The following GRIP1 variants were observed in gnomAD, a reference collection of about 807,000 sequenced individuals.
The protein encoded by GRIP1 is glutamate receptor-interacting protein 1.
Under a neutral mutation model 129.9 loss-of-function variants are expected in GRIP1, and 45 were observed. The observed-to-expected ratio is 0.35, with a 90% CI of 0.27 to 0.44. The LOEUF (loss-of-function observed/expected upper bound fraction) is 0.44, where lower values mean the gene tolerates loss of function less well. GRIP1 is among the 20% of genes least tolerant of loss of function. The pLI, the probability that GRIP1 is intolerant of heterozygous loss-of-function variation, is 1.00. For synonymous variants in GRIP1, 530 were observed against 520.8 expected (o/e 1.02, Z -0.24); for missense variants, 1,196 against 1,396.8 (o/e 0.86, Z 2.29).
chr12:66,618,951 A>G (rs2065155228), intron 1 of GRIP1, among the ~76,000 whole-genome samples: 1 of 152,134 alleles, frequency 6.6e-6, no homozygotes, highest in Non-Finnish European at 1.5e-5. Flanking sequence ...GAGAAATTCG[A>G]ACTCGTATTA....
chr12:66,382,510 A>T (rs2056157184), intron 19 of GRIP1, among the ~76,000 whole-genome samples: 1 of 152,202 alleles, frequency 6.6e-6, no homozygotes, highest in South Asian at 2.1e-4. Flanking sequence ...GTTGATAAGA[A>T]AATGAAGAAG....
intron 1 of GRIP1, among the ~76,000 whole-genome samples, chr12:66,905,602 G>C (rs12579830): frequency 6.6e-6 from 1 of 152,000 alleles, no homozygotes; most frequent in Non-Finnish European, 1.5e-5. Context: ...TATGAGCAAG[G>C]GGAAAATAAC....
At chr12:67,019,544 A>G (rs917008026) in intron 1 of GRIP1, among the ~76,000 whole-genome samples, 1 of 152,196 alleles carries the variant, frequency 6.6e-6, no homozygotes, top group Non-Finnish European at 1.5e-5. Context: ...CTTCTTCAGA[A>G]AGTACCTTCA....
intron 19 of GRIP1, among the ~76,000 whole-genome samples, chr12:66,383,357 C>T (rs1305011583): frequency 6.6e-6 from 1 of 150,874 alleles, no homozygotes; most frequent in African/African-American, 2.4e-5. Context: ...ACAGTGTTGG[C>T]CAAGTAGAAG....
chr12:66,980,342 G>A (rs2042225318), intron 1 of GRIP1, among the ~76,000 whole-genome samples: 1 of 152,198 alleles, frequency 6.6e-6, no homozygotes, highest in South Asian at 2.1e-4. Flanking sequence ...GCTAGGCGTG[G>A]TGGTTCACAC....
chr12:66,593,490 G>A (rs1009161554), intron 2 of GRIP1, among the ~76,000 whole-genome samples: 2 of 152,168 alleles, frequency 1.3e-5, no homozygotes, highest in Non-Finnish European at 2.9e-5. Context: ...AAATAGTAGA[G>A]TCTATATTAA....
At chr12:66,572,897 A>G (rs1385164422) in intron 2 of GRIP1, among the ~76,000 whole-genome samples, 1 of 152,098 alleles carries the variant, frequency 6.6e-6, no homozygotes, top group Admixed American at 6.5e-5. Flanking sequence ...TATGTTTTCT[A>G]TATGACAGTT....
intron 13 of GRIP1, among the ~76,000 whole-genome samples, chr12:66,434,928 C>T (rs994398259): frequency 6.6e-6 from 1 of 152,210 alleles, no homozygotes; most frequent in African/African-American, 2.4e-5. Context: ...CCCTTCCTGG[C>T]TGTGAAACAC....
chr12:67,069,022 C>G, intron 1 of GRIP1: 1 of 817,856 alleles, frequency 1.2e-6, no homozygotes, highest in Non-Finnish European at 1.5e-6. Flanking sequence ...CCCCTGCCCT[C>G]CCTCCCCGGC....
chr12:66,592,674 A>G (rs2063889847), intron 2 of GRIP1, among the ~76,000 whole-genome samples: 1 of 152,204 alleles, frequency 6.6e-6, no homozygotes, highest in African/African-American at 2.4e-5. Context: ...TTTGAGGTCA[A>G]GTGTAGTATC....
chr12:66,904,132 A>G (rs1228626881), intron 1 of GRIP1, among the ~76,000 whole-genome samples: 1 of 152,234 alleles, frequency 6.6e-6, no homozygotes, highest in East Asian at 1.9e-4. Context: ...TTTATATAAC[A>G]AATACTGTAA....
At chr12:66,391,820 T>C (rs1037771766) in intron 19 of GRIP1, among the ~76,000 whole-genome samples, 1 of 152,108 alleles carries the variant, frequency 6.6e-6, no homozygotes, top group Non-Finnish European at 1.5e-5. Flanking sequence ...CAGGGTATTC[T>C]AGCTGGGGTG....
chr12:66,415,249 G>C (rs1342391971), intron 15 of GRIP1, among the ~76,000 whole-genome samples: 3 of 151,672 alleles, frequency 2.0e-5, no homozygotes, highest in Non-Finnish European at 4.4e-5. Context: ...ATAAAGGTCT[G>C]ATATCCAAAG....
intron 13 of GRIP1, among the ~76,000 whole-genome samples, chr12:66,440,491 T>C (rs2058442946): frequency 6.6e-6 from 1 of 152,188 alleles, no homozygotes; most frequent in African/African-American, 2.4e-5. Context: ...CTGGTAACCA[T>C]CTTTCTACTC....
At chr12:66,373,705 T>A (rs185161390) in intron 22 of GRIP1, among the ~76,000 whole-genome samples, 74 of 152,342 alleles carry the variant, frequency 4.9e-4, no homozygotes, top group African/African-American at 1.7e-3. Flanking sequence ...ATCAGTTATC[T>A]CACTGATAAT....
At chr12:66,784,950 G>C (rs1337386626) in intron 1 of GRIP1, among the ~76,000 whole-genome samples, 2 of 152,172 alleles carry the variant, frequency 1.3e-5, no homozygotes, top group East Asian at 3.9e-4. Flanking sequence ...TTGCCTGTGA[G>C]GTCTGACCAG....
intron 1 of GRIP1, among the ~76,000 whole-genome samples, chr12:66,946,573 GC>G: frequency 1.3e-5 from 2 of 151,794 alleles, no homozygotes; most frequent in Admixed American, 1.3e-4. Flanking sequence ...ATTTTAGCTA[GC>G]ATCAGAATGG....
intron 20 of GRIP1, 69 bp from the exon 21 acceptor site, chr12:66,377,354 GTC>G: frequency 3.0e-6 from 3 of 984,222 alleles, no homozygotes; most frequent in South Asian, 2.6e-5. Context: ...TTGAGACGGA[GTC>G]TCTCTCTGTC....
At chr12:66,954,277 T>C (rs2041806099) in intron 1 of GRIP1, among the ~76,000 whole-genome samples, 1 of 152,300 alleles carries the variant, frequency 6.6e-6, no homozygotes. Context: ...CTCTCACCAA[T>C]AAAAAATTGC....
Sources: gnomAD v4.1 joint callset for allele counts (sites outside exome capture counted in the v4.1 genomes callset) on GRCh38, gnomAD v4.1.1 for gene constraint, MANE v1.5 for transcripts, NCBI Gene and HGNC (gene_info 2026-07-23, HGNC 2026-07-21) for gene names.